The following SLC4A5 variants were observed in gnomAD, a reference collection of about 807,000 sequenced individuals.
SLC4A5 encodes the protein electrogenic sodium bicarbonate cotransporter 4.
In SLC4A5, 96 loss-of-function variants were observed where a neutral mutation model predicts 120.4. That is an observed-to-expected ratio of 0.80 (90% CI 0.68 to 0.94). SLC4A5 has a LOEUF of 0.94. Ranked by LOEUF, SLC4A5 falls within the 40% of genes least tolerant of loss-of-function variation. The pLI, the probability that SLC4A5 is intolerant of heterozygous loss-of-function variation, is 0.00. For synonymous variants in SLC4A5, 550 were observed against 571.1 expected, an observed-to-expected ratio of 0.96 and a Z score of 0.53; for missense variants, 1,259 against 1,459.5, an observed-to-expected ratio of 0.86 and a Z score of 2.24.
intron 7 of SLC4A5, among the ~76,000 whole-genome samples, 171 bp from the exon 8 acceptor site, chr2:74,286,073 T>C (rs1423542423): frequency 2.6e-5 from 4 of 152,088 alleles, no homozygotes; most frequent in African/African-American, 9.7e-5. Flanking sequence ...GAATCAGAGG[T>C]GGGCGAGATA....
At chr2:74,264,334 G>T in intron 9 of SLC4A5, 35 bp from the exon 10 acceptor site, 5 of 1,599,058 alleles carry the variant, frequency 3.1e-6, no homozygotes, top group Non-Finnish European at 4.3e-6. Flanking sequence ...ATCCCTGTGG[G>T]ACAGAACAGC....
chr2:74,277,430 TC>T (rs954392383), intron 8 of SLC4A5, among the ~76,000 whole-genome samples: 2 of 152,038 alleles, frequency 1.3e-5, no homozygotes, highest in African/African-American at 4.8e-5. Context: ...GCGCCTGTAA[TC>T]CCAGCTACTC....
rs528598397 is a variant in SLC4A5, at chr2:74,288,951, A to G, written c.272-3049T>C. On this transcript the variant is annotated intron_variant, in intron 7 of 30. Coordinates refer to ENST00000394019, the Ensembl canonical transcript of SLC4A5. ...CCTTCTTTTTCACAATTCATGTCCA[A>G]CTGGACACTAATGTCTTTCATTTGC... Among the ~76,000 whole-genome samples the G allele has an allele frequency of 2.0e-5, 3 of 152,314 alleles. No homozygotes were observed. In the South Asian group the frequency reaches 6.2e-4, roughly 32 times the overall value.
intron 19 of SLC4A5, among the ~76,000 whole-genome samples, chr2:74,243,007 G>A (rs828902): frequency 0.89 from 134,923 of 152,268 alleles, 60,112 homozygotes; most frequent in East Asian, 1. Flanking sequence ...TGTTGCTTTG[G>A]TATCTTTTCT....
chr2:74,229,247 GT>G (rs71406869), intron 25 of SLC4A5, among the ~76,000 whole-genome samples: 14,699 of 134,118 alleles, frequency 0.11, 1,459 homozygotes, highest in African/African-American at 0.26. Context: ...ATTCGAAGGT[GT>G]TTTTTTTTTT....
intron 8 of SLC4A5, among the ~76,000 whole-genome samples, chr2:74,275,510 C>A (rs1271144639): frequency 6.6e-6 from 1 of 152,168 alleles, no homozygotes; most frequent in Non-Finnish European, 1.5e-5. Context: ...CCCTTCACTG[C>A]CTCTCAGGAG....
chr2:74,306,473 C>G (rs973759978), intron 6 of SLC4A5, among the ~76,000 whole-genome samples: 1 of 152,222 alleles, frequency 6.6e-6, no homozygotes, highest in African/African-American at 2.4e-5. Context: ...AGAAACCCCT[C>G]TCAGGTTTAT....
chr2:74,255,440 G>T lies in SLC4A5; in HGVS notation c.1025+335C>A, dbSNP rs554345668. ...CCCGAGGAGCTGGGATTACAGGCGC[G>T]TACCACCACACCTGGCTAATTTTTT... On this transcript the variant is annotated intron_variant, in intron 13 of 30. Coordinates refer to ENST00000394019, the Ensembl canonical transcript of SLC4A5. The surrounding 1 kb of genome is among the most constrained non-coding windows in gnomAD (Gnocchi z 4.0). 2.0e-5 allele frequency among the ~76,000 whole-genome samples: 3 copies of T among 151,924 alleles called. No homozygotes were observed. The highest frequency in any genetic ancestry group is 4.4e-5 in the Non-Finnish European group (3 of 67,980).
chr2:74,301,914 A>C (rs1448054975), intron 7 of SLC4A5, among the ~76,000 whole-genome samples: 1 of 152,182 alleles, frequency 6.6e-6, no homozygotes, highest in African/African-American at 2.4e-5. Flanking sequence ...CAGGGGTAGA[A>C]AGGTTTTACT....
rs1030675573 is a variant in SLC4A5 at position 74,310,660 on chromosome 2, C to T, written c.79+4285G>A. 4.6e-5 allele frequency among the ~76,000 whole-genome samples: 7 copies of T among 152,238 alleles called. No homozygotes were observed. The East Asian group carries it at 1.3e-3, about 29-fold the overall frequency. ...ATACCTGGGATAAATCCTTTTGGGT[C>T]ATGGTGTATAATTATTTTTACACAT... On this transcript the variant is annotated intron_variant, in intron 6 of 30. Transcript: ENST00000394019.
At chr2:74,254,276 A>G (rs1462085199) in intron 14 of SLC4A5, among the ~76,000 whole-genome samples, 1 of 151,902 alleles carries the variant, frequency 6.6e-6, no homozygotes, top group East Asian at 1.9e-4. Flanking sequence ...AGCCTGATCC[A>G]TTTCCTTTGT....
At chr2:74,291,346 G>A (rs1251669951) in intron 7 of SLC4A5, among the ~76,000 whole-genome samples, 1 of 152,214 alleles carries the variant, frequency 6.6e-6, no homozygotes, top group Non-Finnish European at 1.5e-5. Flanking sequence ...AATGTGCCAA[G>A]GTTGATTGGA....
intron 6 of SLC4A5, chr2:74,308,135 G>T (rs936047639): frequency 6.0e-6 from 2 of 335,748 alleles, no homozygotes; most frequent in African/African-American, 4.4e-5. Flanking sequence ...CCTATTGAAG[G>T]ACATCTTGGT....
At chr2:74,231,846 G>A (rs1248460626) in intron 24 of SLC4A5, among the ~76,000 whole-genome samples, 2 of 152,190 alleles carry the variant, frequency 1.3e-5, no homozygotes, top group Admixed American at 1.3e-4. Context: ...AGCCTCATTC[G>A]GGCAGGCTGG....
chr2:74,286,715 C>T (rs1356734710), intron 7 of SLC4A5, among the ~76,000 whole-genome samples: 1 of 152,092 alleles, frequency 6.6e-6, no homozygotes, highest in Non-Finnish European at 1.5e-5. Context: ...CTAAAATAAA[C>T]AAAATGACCA....
chr2:74,307,925 C>A (rs1672696004), intron 6 of SLC4A5: 1 of 508,042 alleles, frequency 2.0e-6, no homozygotes, highest in South Asian at 1.6e-5. Context: ...CACTGCTGAC[C>A]AGCCAGGCGC....
intron 19 of SLC4A5, among the ~76,000 whole-genome samples, chr2:74,244,470 C>CT (rs1670545202): frequency 8.2e-6 from 1 of 121,340 alleles, no homozygotes; most frequent in East Asian, 2.3e-4. Context: ...TTTTCTTTCT[C>CT]TTTCTTTCTT....
chr2:74,236,653 T>C (rs1356924941), intron 21 of SLC4A5, among the ~76,000 whole-genome samples: 1 of 152,240 alleles, frequency 6.6e-6, no homozygotes, highest in African/African-American at 2.4e-5. Flanking sequence ...AACCAAGTAG[T>C]GTGCTGGGTT....
At chr2:74,239,432 G>A in exon 21 of SLC4A5, 1 of 1,614,170 alleles carries the variant, frequency 6.2e-7, no homozygotes, top group Non-Finnish European at 8.5e-7. Context: ...CGCCAGGTCT[G>A]GGATAAACTT....
Sources: gnomAD v4.1 joint callset for allele counts (sites outside exome capture counted in the v4.1 genomes callset) on GRCh38, gnomAD v4.1.1 for gene constraint, Gnocchi (gnomAD v3.1) non-coding constraint, MANE v1.5 for transcripts, NCBI Gene and HGNC (gene_info 2026-07-23, HGNC 2026-07-21) for gene names.